ATP2A2: variants seen among roughly 807,000 people sequenced by gnomAD.
ATP2A2 encodes the protein sarcoplasmic/endoplasmic reticulum calcium ATPase 2.
In ATP2A2, 14 loss-of-function variants were observed where a neutral mutation model predicts 109.3. The ratio of observed to expected loss-of-function variants is 0.13; its 90% CI spans 0.08 to 0.20. The LOEUF is 0.20. Among genes scored for constraint, ATP2A2 ranks in the 10% least tolerant of loss-of-function variants. ATP2A2 has a pLI of 1.00. For missense variants in ATP2A2, 657 were observed against 1,321.6 expected (o/e 0.50, Z 7.80); for synonymous variants, 506 against 490.9 (o/e 1.03, Z -0.41).
chr12:110,287,120 G>T (rs1325019658), intron 3 of ATP2A2, among the ~76,000 whole-genome samples: 1 of 152,112 alleles, frequency 6.6e-6, no homozygotes, highest in Non-Finnish European at 1.5e-5. Flanking sequence ...AGGCGTGGTG[G>T]TGGGTCCCTG....
chr12:110,349,978 T>C lies in ATP2A2; in HGVS notation c.*3508T>C, dbSNP rs1159592127. Reference sequence around the variant, plus strand: ...CTCTGCACCACTAACCAAGACCTTGTCCTCTTGCCTGTCTCGCTGCTTTCA... The same window carrying C: ...CTCTGCACCACTAACCAAGACCTTGCCCTCTTGCCTGTCTCGCTGCTTTCA... On this transcript the variant is annotated 3_prime_UTR_variant, in exon 20 of 20. Coordinates refer to ENST00000539276, the MANE Select transcript of ATP2A2 (RefSeq NM_170665.4). The C allele has an allele frequency of 7.7e-7, 1 of 1,292,824 alleles. No homozygotes were observed. The highest frequency in any genetic ancestry group is 1.5e-5 in the African/African-American group (1 of 66,544). The allele number at this position is 1,292,824 out of a possible 1,614,324, so 80.1% of individuals were successfully genotyped here.
rs1480812200 is a variant in ATP2A2, at chr12:110,340,881, C to A, written c.1984C>A (p.Pro662Thr). The stretch of plus-strand genomic sequence containing the variant: ...AGGCCGGGAGTTTGATGAACTCAAC[C>A]CCTCCGCCCAGCGAGACGCCTGCCT... ...FTGREFDELN[P>T]SAQRDACLNA... Residue 662 changes from proline to threonine, a missense_variant, in exon 14 of 20, where the codon CCC becomes ACC. Around this residue, in one of 9 missense-constraint regions of ATP2A2, gnomAD observed 180 missense variants for 329.1 expected, o/e 0.55. Transcript: ENST00000539276. The surrounding 1 kb of genome is among the most constrained non-coding windows in gnomAD (Gnocchi z 6.0). 5.0e-6 allele frequency: 8 copies of A among 1,614,210 alleles called. No homozygotes were observed. The highest frequency in any genetic ancestry group is 1.7e-5 in the Admixed American group (1 of 60,018).
At chr12:110,317,206 A>C (rs1212617638) in intron 5 of ATP2A2, among the ~76,000 whole-genome samples, 2 of 152,138 alleles carry the variant, frequency 1.3e-5, no homozygotes, top group African/African-American at 2.4e-5. Context: ...GTTTAAGATA[A>C]ATCTGTTATG....
intron 5 of ATP2A2, among the ~76,000 whole-genome samples, chr12:110,303,655 C>T (rs1198616876): frequency 2.0e-5 from 3 of 152,132 alleles, no homozygotes; most frequent in Non-Finnish European, 4.4e-5. Context: ...CGTGATCCAT[C>T]CTCCTCGGCC....
chr12:110,322,022 G>T (rs929364865), intron 5 of ATP2A2, among the ~76,000 whole-genome samples: 1 of 151,560 alleles, frequency 6.6e-6, no homozygotes, highest in African/African-American at 2.4e-5. Context: ...ACGGAGTCTC[G>T]CTCTGCCGCC....
chr12:110,341,878 A>C (rs1348478116), intron 14 of ATP2A2, among the ~76,000 whole-genome samples: 1 of 152,202 alleles, frequency 6.6e-6, no homozygotes, highest in East Asian at 1.9e-4. Context: ...AGAAAAATAA[A>C]AATTTGCATA....
chr12:110,332,733 T>G (rs770551251), intron 9 of ATP2A2, 48 bp downstream of exon 9: 11 of 1,470,802 alleles, frequency 7.5e-6, no homozygotes, highest in South Asian at 4.5e-5. Flanking sequence ...GGCAGTTTAG[T>G]ATTTGTATTG....
intron 5 of ATP2A2, among the ~76,000 whole-genome samples, chr12:110,309,932 A>G (rs1592822274): frequency 6.6e-6 from 1 of 151,554 alleles, no homozygotes; most frequent in African/African-American, 2.4e-5. Flanking sequence ...AGAGAAAGTG[A>G]CCCACATGTT....
chr12:110,314,451 A>G (rs1876444585), intron 5 of ATP2A2, among the ~76,000 whole-genome samples: 1 of 152,224 alleles, frequency 6.6e-6, no homozygotes, highest in Non-Finnish European at 1.5e-5. Context: ...ATACATTTGT[A>G]TGCAAAAGTA....
At chr12:110,309,776 C>T (rs181085581) in intron 5 of ATP2A2, among the ~76,000 whole-genome samples, 36 of 152,032 alleles carry the variant, frequency 2.4e-4, no homozygotes, top group Non-Finnish European at 4.7e-4. Context: ...CGTGGTGGTG[C>T]GTACCTGTAG....
At chr12:110,344,276 C>T (rs1365964264) in intron 16 of ATP2A2, among the ~76,000 whole-genome samples, 3 of 152,134 alleles carry the variant, frequency 2.0e-5, no homozygotes, top group African/African-American at 7.2e-5. Flanking sequence ...ATATTTGCCT[C>T]GTCTGAACTC....
chr12:110,297,482 A>T (rs1874093170), intron 5 of ATP2A2, among the ~76,000 whole-genome samples: 1 of 151,820 alleles, frequency 6.6e-6, no homozygotes, highest in Non-Finnish European at 1.5e-5. Flanking sequence ...TATGTGTTAC[A>T]CTGAGCCAGG....
chr12:110,315,460 G>A (rs1876564780), intron 5 of ATP2A2, among the ~76,000 whole-genome samples: 1 of 152,058 alleles, frequency 6.6e-6, no homozygotes, highest in Non-Finnish European at 1.5e-5. Flanking sequence ...GTGTATGTTA[G>A]CTTTTTTAAT....
intron 1 of ATP2A2, among the ~76,000 whole-genome samples, chr12:110,282,113 C>G (rs971893807): frequency 6.6e-6 from 1 of 152,136 alleles, no homozygotes; most frequent in African/African-American, 2.4e-5. Flanking sequence ...TTCTCGGGCC[C>G]TCGACCTTTT....
At chr12:110,304,922 G>A (rs1301816886) in intron 5 of ATP2A2, among the ~76,000 whole-genome samples, 1 of 151,972 alleles carries the variant, frequency 6.6e-6, no homozygotes, top group Non-Finnish European at 1.5e-5. Flanking sequence ...GCTGAGGCAG[G>A]AAAAACCACT....
At position 110,349,016 on chromosome 12, in the gene ATP2A2, C is replaced by T; in HGVS notation, c.*2546C>T. The T allele has an allele frequency of 1.0e-6, 1 of 985,486 alleles. No individual in the cohort carries two copies. Among genetic ancestry groups the T allele is most frequent in the Non-Finnish European group, 1.2e-6 (1 of 829,966 alleles). 61.0% of individuals were successfully genotyped at this position (985,486 alleles called of 1,614,324 possible). On this transcript the variant is annotated 3_prime_UTR_variant, in exon 20 of 20. Coordinates refer to ENST00000539276, the MANE Select transcript of ATP2A2 (RefSeq NM_170665.4). ...GAGTAGTGTGTGGCCTGCTGTCGCA[C>T]AGCCCCTAGTTAGCTTCATGGTTTC... is the stretch of plus-strand genomic sequence containing the variant.
intron 16 of ATP2A2, among the ~76,000 whole-genome samples, chr12:110,343,685 A>C (rs1879573844): frequency 6.6e-6 from 1 of 152,204 alleles, no homozygotes; most frequent in Non-Finnish European, 1.5e-5. Flanking sequence ...CAGGGTTTTC[A>C]GATTGAGCCC....
At chr12:110,319,330 G>T (rs773637608) in intron 5 of ATP2A2, among the ~76,000 whole-genome samples, 11 of 149,152 alleles carry the variant, frequency 7.4e-5, no homozygotes, top group Non-Finnish European at 1.2e-4. Context: ...TCTTCTTGTC[G>T]TTTCTAAATA....
In ATP2A2 at chr12:110,293,322, C is replaced by T. The variant is rs2137707524; in HGVS notation, c.324+1198C>T. Among the ~76,000 whole-genome samples, 2 of 151,582 alleles carry T rather than the reference C, an allele frequency of 1.3e-5. 1 individual carries two copies. On this transcript the variant is annotated intron_variant, in intron 4 of 19. Coordinates refer to ENST00000539276, the MANE Select transcript of ATP2A2 (RefSeq NM_170665.4). ...TGACCTCGTGATCCACCCACCTCGG[C>T]CTCCCAAAGTGCTGGGATTACAGGT...
Sources: allele counts gnomAD v4.1 joint callset (sites outside exome capture counted in the v4.1 genomes callset), GRCh38; gene constraint gnomAD v4.1.1; regional missense constraint gnomAD v4.1.1; non-coding constraint Gnocchi (gnomAD v3.1); transcripts MANE v1.5; gene names NCBI Gene and HGNC (gene_info 2026-07-23, HGNC 2026-07-21).